C1QTNF3: variants seen among roughly 807,000 people sequenced by gnomAD.
C1QTNF3 encodes the protein C1q and TNF related 3.
In C1QTNF3, 26 loss-of-function variants were observed where a neutral mutation model predicts 32.6. The ratio of observed to expected loss-of-function variants is 0.80; its 90% CI spans 0.58 to 1.11. The LOEUF (loss-of-function observed/expected upper bound fraction) is 1.11, where lower values mean the gene tolerates loss of function less well. Ranked by LOEUF, C1QTNF3 falls within the 50% of genes least tolerant of loss-of-function variation. C1QTNF3 has a pLI of 0.00. For missense variants in C1QTNF3, 362 were observed against 398.2 expected (o/e 0.91, Z 0.77); for synonymous variants, 155 against 146.0 (o/e 1.06, Z -0.44).
At chr5:34,210,847 T>A in the C1QTNF3 span, among the ~76,000 whole-genome samples, 6 of 152,244 alleles carry the variant, frequency 3.9e-5, no homozygotes, top group African/African-American at 1.4e-4. Flanking sequence ...CCAAGTTATA[T>A]GGATTCATAG....
intron 1 of C1QTNF3, among the ~76,000 whole-genome samples, chr5:34,036,690 G>A (rs1471168600): frequency 6.6e-6 from 1 of 152,176 alleles, no homozygotes; most frequent in Non-Finnish European, 1.5e-5. Flanking sequence ...GGTGGCTGAT[G>A]CCTGTAATCC....
chr5:34,118,948 AGT>A, the C1QTNF3 span, among the ~76,000 whole-genome samples: 2 of 152,046 alleles, frequency 1.3e-5, no homozygotes, highest in South Asian at 2.1e-4. Context: ...ATATATGTGT[AGT>A]GTGTGTGTTT....
the C1QTNF3 span, among the ~76,000 whole-genome samples, chr5:34,120,502 T>G: frequency 6.6e-6 from 1 of 152,314 alleles, no homozygotes; most frequent in African/African-American, 2.4e-5. Context: ...TAATACCTGG[T>G]ATGATTTGGT....
chr5:34,121,564 A>G, the C1QTNF3 span, among the ~76,000 whole-genome samples: 1 of 152,204 alleles, frequency 6.6e-6, no homozygotes, highest in Non-Finnish European at 1.5e-5. Flanking sequence ...GATTCAAATG[A>G]TCTCCCACCA....
At chr5:34,234,800 C>T in the C1QTNF3 span, among the ~76,000 whole-genome samples, 1 of 152,068 alleles carries the variant, frequency 6.6e-6, no homozygotes, top group Admixed American at 6.6e-5. Flanking sequence ...ATTCTCCATG[C>T]CTCCATCTTA....
the C1QTNF3 span, among the ~76,000 whole-genome samples, chr5:34,222,665 T>C: frequency 6.6e-6 from 1 of 151,948 alleles, no homozygotes; most frequent in African/African-American, 2.4e-5. Context: ...GTCACTTATA[T>C]ATAAATTCTG....
At chr5:34,032,614 T>C (rs962426144) in intron 3 of C1QTNF3, among the ~76,000 whole-genome samples, 2 of 152,132 alleles carry the variant, frequency 1.3e-5, no homozygotes, top group East Asian at 1.9e-4. Context: ...CTGGCCACCA[T>C]GGCAAAAACC....
the C1QTNF3 span, among the ~76,000 whole-genome samples, chr5:34,140,845 G>A: frequency 6.6e-6 from 1 of 152,204 alleles, no homozygotes; most frequent in Non-Finnish European, 1.5e-5. Flanking sequence ...TAATGTTTTA[G>A]GAAAACTGTA....
rs1202821681 is a variant in C1QTNF3 at position 34,028,682 on chromosome 5, T to C, written c.700+72A>G. On this transcript the variant is annotated intron_variant, in intron 4 of 5. Coordinates refer to ENST00000382065, the MANE Select transcript of C1QTNF3 (RefSeq NM_181435.6). ...CCTTTCTCCGTCCCTCCCTCTCTTC[T>C]TTCCTTCCTTCCTTAATTGTCTTTA... 8 of 1,345,668 alleles carry C rather than the reference T, an allele frequency of 5.9e-6. No homozygotes were observed. The Middle Eastern group carries it at 5.8e-4, about 97-fold the overall frequency. The allele number at this position is 1,345,668 out of a possible 1,614,324, so 83.4% of individuals were successfully genotyped here.
At chr5:34,026,373 G>C (rs914283099) in intron 4 of C1QTNF3, among the ~76,000 whole-genome samples, 2 of 151,166 alleles carry the variant, frequency 1.3e-5, no homozygotes, top group African/African-American at 4.9e-5. Context: ...GCGGAAGCAA[G>C]GCTGTGTTTG....
chr5:34,185,838 T>A, the C1QTNF3 span, among the ~76,000 whole-genome samples: 45 of 150,754 alleles, frequency 3.0e-4, no homozygotes, highest in South Asian at 6.3e-4. Flanking sequence ...TCGTAGACAA[T>A]CTAATCTCAG....
At chr5:34,049,490 G>C in the C1QTNF3 span, among the ~76,000 whole-genome samples, 15 of 152,316 alleles carry the variant, frequency 9.8e-5, no homozygotes, top group African/African-American at 3.6e-4. Context: ...AGCAGAGGCA[G>C]CTCTGACCCT....
the C1QTNF3 span, among the ~76,000 whole-genome samples, chr5:34,068,895 A>G: frequency 3.9e-5 from 6 of 152,300 alleles, no homozygotes; most frequent in East Asian, 9.6e-4. Flanking sequence ...GATTAGTTAT[A>G]GATATCCATG....
At chr5:34,068,673 C>G in the C1QTNF3 span, among the ~76,000 whole-genome samples, 516 of 152,006 alleles carry the variant, frequency 3.4e-3, 3 homozygotes, top group African/African-American at 0.012. Context: ...AATAGTATGA[C>G]CATGTTGTAT....
At chr5:34,218,897 A>T in the C1QTNF3 span, among the ~76,000 whole-genome samples, 1 of 152,042 alleles carries the variant, frequency 6.6e-6, no homozygotes, top group African/African-American at 2.4e-5. Context: ...CTAAAGATTC[A>T]TGTTTATGAA....
At chr5:34,027,387 G>A (rs892129336) in intron 4 of C1QTNF3, among the ~76,000 whole-genome samples, 5 of 152,152 alleles carry the variant, frequency 3.3e-5, no homozygotes, top group Non-Finnish European at 7.3e-5. Context: ...AGATATACCT[G>A]TAAGTGATCA....
chr5:34,029,648 T>C (rs1754562026), intron 3 of C1QTNF3, among the ~76,000 whole-genome samples: 1 of 152,214 alleles, frequency 6.6e-6, no homozygotes, highest in Non-Finnish European at 1.5e-5. Context: ...CAGAAAAATA[T>C]CTGCAAGAAT....
At chr5:34,231,576 T>C in the C1QTNF3 span, among the ~76,000 whole-genome samples, 1 of 152,166 alleles carries the variant, frequency 6.6e-6, no homozygotes, top group Non-Finnish European at 1.5e-5. Flanking sequence ...GTATGGTCTG[T>C]GTATGGCTAA....
the C1QTNF3 span, among the ~76,000 whole-genome samples, chr5:34,076,637 C>T: frequency 6.6e-6 from 1 of 151,490 alleles, no homozygotes; most frequent in African/African-American, 2.4e-5. Flanking sequence ...ATTTCAAGGA[C>T]ATGTATGTTC....
Sources: allele counts gnomAD v4.1 joint callset (sites outside exome capture counted in the v4.1 genomes callset), GRCh38; gene constraint gnomAD v4.1.1; transcripts MANE v1.5; gene names NCBI Gene and HGNC (gene_info 2026-07-23, HGNC 2026-07-21).